GRM4: variants seen among roughly 807,000 people sequenced by gnomAD.
GRM4 encodes metabotropic glutamate receptor 4.
In GRM4, 28 loss-of-function variants were observed where a neutral mutation model predicts 81.7. That is an observed-to-expected ratio of 0.34 (90% CI 0.25 to 0.47). GRM4 has a LOEUF of 0.47. GRM4 is among the 20% of genes least tolerant of loss of function. The pLI, the probability that GRM4 is intolerant of heterozygous loss-of-function variation, is 1.00. For missense variants in GRM4, 948 were observed against 1,290.0 expected, an observed-to-expected ratio of 0.73 and a Z score of 4.06; for synonymous variants, 488 against 528.8, an observed-to-expected ratio of 0.92 and a Z score of 1.06.
chr6:34,058,892 C>G, intron 5 of GRM4, 82 bp downstream of exon 5: 2 of 1,058,802 alleles, frequency 1.9e-6, no homozygotes, highest in African/African-American at 1.5e-5. Context: ...AGAGGCGGAG[C>G]AGAAGGGGAA....
chr6:34,103,464 G>T, intron 2 of GRM4: 1 of 786,786 alleles, frequency 1.3e-6, no homozygotes, highest in Non-Finnish European at 2.1e-6. Flanking sequence ...CAGGGCCGCA[G>T]ATAAGAGCGC....
At chr6:34,033,719 C>T (rs112375340) in intron 9 of GRM4, among the ~76,000 whole-genome samples, 6 of 151,292 alleles carry the variant, frequency 4.0e-5, no homozygotes, top group African/African-American at 1.2e-4. Context: ...TTCTCTCTCC[C>T]TCTCTCTCTC....
Position 34,022,747 on chromosome 6 carries a change from G to T in GRM4, c.*74C>A. 3 of 1,330,092 alleles carry T rather than the reference G, an allele frequency of 2.3e-6. No individual in the cohort carries two copies. The highest frequency in any genetic ancestry group is 3.3e-6 in the Non-Finnish European group (3 of 922,718). 82.4% of individuals were successfully genotyped at this position (1,330,092 alleles called of 1,614,324 possible). On this transcript the variant is annotated 3_prime_UTR_variant, in exon 11 of 11. Transcript: ENST00000538487. This position sits in a 1 kb window ranked among gnomAD's most constrained non-coding sequence, Gnocchi z 5.6. Reference sequence around the variant, plus strand: ...GGGCAGGCAAGACAGCTGGGCCCTTGGGTGTGGCCCTGGCCCGACGCACCT... The same window carrying T: ...GGGCAGGCAAGACAGCTGGGCCCTTTGGTGTGGCCCTGGCCCGACGCACCT...
At chr6:34,029,035 G>A (rs369231348) in intron 9 of GRM4, among the ~76,000 whole-genome samples, 1 of 152,232 alleles carries the variant, frequency 6.6e-6, no homozygotes, top group East Asian at 1.9e-4. Context: ...TAATCTGGGT[G>A]TCGGATAATC....
rs1355028509 is a variant in GRM4 at position 34,091,887 on chromosome 6, C to T, written c.732G>A (p.Glu244=). ...GVEAFIQKSR[E]DGGVCIAQSV... ...GCGGCCAGGCGTTTGACTCACCGTC[C>T]TCACGGGACTTCTGGATGAAGGCCT... Residue 244 remains glutamate, a synonymous_variant, in exon 3 of 11, where the codon GAG becomes GAA. Transcript: ENST00000538487. 1 of 1,610,900 alleles carries T rather than the reference C, an allele frequency of 6.2e-7. No individual in the cohort carries two copies. Among genetic ancestry groups the T allele is most frequent in the East Asian group, 2.2e-5 (1 of 44,872 alleles).
At chr6:34,141,268 T>A (rs567308405) in intron 1 of GRM4, among the ~76,000 whole-genome samples, 2 of 152,264 alleles carry the variant, frequency 1.3e-5, no homozygotes, top group East Asian at 3.9e-4. Context: ...CTCCTGGGAC[T>A]CACCATCATC....
intron 6 of GRM4, among the ~76,000 whole-genome samples, chr6:34,044,911 C>T (rs935622511): frequency 6.6e-6 from 1 of 151,204 alleles, no homozygotes; most frequent in African/African-American, 2.5e-5. Context: ...CACAGACATA[C>T]ATACACATAT....
intron 3 of GRM4, 87 bp from the exon 4 acceptor site, chr6:34,062,115 G>C (rs1766218821): frequency 7.0e-7 from 1 of 1,424,902 alleles, no homozygotes; most frequent in Admixed American, 2.0e-5. Flanking sequence ...GGGAGATGGG[G>C]GCTGGGTGCT....
At chr6:34,056,995 C>T (rs888150840) in intron 5 of GRM4, among the ~76,000 whole-genome samples, 7 of 152,156 alleles carry the variant, frequency 4.6e-5, no homozygotes, top group African/African-American at 1.7e-4. Context: ...GAGAAGGAGC[C>T]GCCTGGGAGT....
In GRM4 at chr6:34,133,900, C is replaced by T. The variant is rs1770350752; in HGVS notation, c.-363-41G>A. 1.1e-6 allele frequency: 1 copy of T among 919,662 alleles called. No homozygotes were observed. The highest frequency in any genetic ancestry group is 1.8e-5 in the African/African-American group (1 of 56,546). 57.0% of individuals were successfully genotyped at this position (919,662 alleles called of 1,614,324 possible). A position where few individuals can be genotyped will look rare whatever the true frequency, so the allele number is the denominator to read the frequency against. The stretch of plus-strand genomic sequence containing the variant: ...GAGAGAGAGAATATCAAACAGAAGC[C>T]CAAAGAAGACATTAGCTAGTCTCAT... On this transcript the variant is annotated intron_variant, in intron 1 of 10. Transcript: ENST00000538487. The surrounding 1 kb of genome is among the most constrained non-coding windows in gnomAD (Gnocchi z 6.5).
chr6:34,028,404 C>G, intron 9 of GRM4, 38 bp from the exon 10 acceptor site: 1 of 1,586,134 alleles, frequency 6.3e-7, no homozygotes, highest in Non-Finnish European at 8.6e-7. Flanking sequence ...CAGGCTCTGC[C>G]CCGACTGAGG....
chr6:34,102,448 G>C (rs187601115), intron 2 of GRM4, among the ~76,000 whole-genome samples: 32 of 152,042 alleles, frequency 2.1e-4, no homozygotes, highest in Non-Finnish European at 4.6e-4. Context: ...CTTTGCACTG[G>C]CTGTTCTGCT....
chr6:34,063,481 C>T (rs1766285015), intron 3 of GRM4: 1 of 152,566 alleles, frequency 6.6e-6, no homozygotes, highest in Non-Finnish European at 1.5e-5. Flanking sequence ...AGTGGCTGCT[C>T]TGTGCCAGGC....
At chr6:34,052,124 G>A (rs1454966721) in intron 6 of GRM4, among the ~76,000 whole-genome samples, 1 of 152,192 alleles carries the variant, frequency 6.6e-6, no homozygotes, top group African/African-American at 2.4e-5. Flanking sequence ...CACTTGGCAG[G>A]CTGGAGGTGC....
intron 2 of GRM4, among the ~76,000 whole-genome samples, chr6:34,107,423 G>A (rs1329447416): frequency 9.9e-5 from 15 of 152,262 alleles, no homozygotes; most frequent in African/African-American, 3.4e-4. Flanking sequence ...AGACAAAGCC[G>A]TATGCTCGTA....
intron 2 of GRM4, among the ~76,000 whole-genome samples, chr6:34,128,379 CTTT>C (rs547672333): frequency 7.5e-6 from 1 of 132,802 alleles, no homozygotes; most frequent in Non-Finnish European, 1.6e-5. Context: ...TTTTTCTTTT[CTTT>C]TTTTTTTTTT....
At chr6:34,041,953 G>A (rs916404872) in intron 6 of GRM4, among the ~76,000 whole-genome samples, 9 of 152,152 alleles carry the variant, frequency 5.9e-5, no homozygotes, top group Non-Finnish European at 1.0e-4. Context: ...CACCTCCATT[G>A]TAGAGATGAA....
At chr6:34,146,149 C>T (rs767086213), upstream of GRM4, 7 of 985,502 alleles carry the variant, frequency 7.1e-6, no homozygotes, top group Non-Finnish European at 8.4e-6. Flanking sequence ...GAACCTCACA[C>T]ATCCGCGCGC....
In GRM4 at chr6:34,064,796, T is replaced by A. The variant is rs1467629787; in HGVS notation, c.737-2768A>T. 6.6e-6 allele frequency among the ~76,000 whole-genome samples: 1 copy of A among 152,168 alleles called. No individual in the cohort carries two copies. Among genetic ancestry groups the A allele is most frequent in the Non-Finnish European group, 1.5e-5 (1 of 68,012 alleles). ...GAGAGGCCACTGAGCACCCCCTGCA[T>A]GCCTGGCACCATGCGAGGCCCAGTC... is the stretch of plus-strand genomic sequence containing the variant. On this transcript the variant is annotated intron_variant, in intron 3 of 10. Transcript: ENST00000538487. This position sits in a 1 kb window ranked among gnomAD's most constrained non-coding sequence, Gnocchi z 4.4.
Sources: allele counts gnomAD v4.1 joint callset (sites outside exome capture counted in the v4.1 genomes callset), GRCh38; gene constraint gnomAD v4.1.1; non-coding constraint Gnocchi (gnomAD v3.1); transcripts MANE v1.5; gene names NCBI Gene and HGNC (gene_info 2026-07-23, HGNC 2026-07-21).